The following AGBL1 variants were observed in gnomAD, a reference collection of about 807,000 sequenced individuals.
AGBL1 encodes AGBL carboxypeptidase 1, also known as cytosolic carboxypeptidase 4.
In AGBL1, 130 loss-of-function variants were observed where a neutral mutation model predicts 118.9. The ratio of observed to expected loss-of-function variants is 1.09; its 90% CI spans 0.95 to 1.26. AGBL1 has a LOEUF of 1.26. AGBL1 is among the 50% of genes most tolerant of loss of function. The probability of loss-of-function intolerance (pLI) is 0.00; values close to 1 mark genes in which losing one functional copy is unlikely to be tolerated. For missense variants in AGBL1, 1,584 were observed against 1,298.1 expected, an observed-to-expected ratio of 1.22 and a Z score of -3.38; for synonymous variants, 555 against 478.9, an observed-to-expected ratio of 1.16 and a Z score of -2.08.
intron 23 of AGBL1, among the ~76,000 whole-genome samples, chr15:86,976,035 TTTAAAATTA>T (rs1312343278): frequency 2.0e-5 from 3 of 152,122 alleles, no homozygotes; most frequent in Non-Finnish European, 4.4e-5. Flanking sequence ...AATCATATAC[TTTAAAATTA>T]TTATGTTGGT....
intron 17 of AGBL1, among the ~76,000 whole-genome samples, chr15:86,320,478 C>A (rs1438996344): frequency 2.0e-5 from 3 of 151,802 alleles, no homozygotes; most frequent in Non-Finnish European, 4.4e-5. Context: ...AAATGATATA[C>A]TTTTAAAATT....
chr15:86,522,228 T>A (rs112043748), intron 18 of AGBL1, among the ~76,000 whole-genome samples: 1,590 of 152,234 alleles, frequency 0.01, 30 homozygotes, highest in African/African-American at 0.036. Context: ...GCACTCTGAT[T>A]CTCTTGGTAA....
At chr15:86,473,844 G>A (rs888948918) in intron 18 of AGBL1, among the ~76,000 whole-genome samples, 1 of 152,052 alleles carries the variant, frequency 6.6e-6, no homozygotes, top group Non-Finnish European at 1.5e-5. Context: ...TGGAGTGGCT[G>A]GATTGAGCCT....
chr15:86,640,947 T>G (rs1488155579), intron 21 of AGBL1, among the ~76,000 whole-genome samples: 1 of 133,496 alleles, frequency 7.5e-6, no homozygotes, highest in African/African-American at 2.8e-5. Flanking sequence ...GTTTTGTTTT[T>G]ATTTTTTAAT....
intron 17 of AGBL1, among the ~76,000 whole-genome samples, chr15:86,329,062 G>T (rs188310712): frequency 6.6e-6 from 1 of 152,264 alleles, no homozygotes; most frequent in East Asian, 1.9e-4. Context: ...TTGCAGGCCT[G>T]GGGTGGAAGG....
chr15:86,810,366 A>G lies in AGBL1; in HGVS notation c.3159-96721A>G, dbSNP rs555639987. On this transcript the variant is annotated intron_variant, in intron 22 of 22. Transcript: ENST00000614907. ...CTGCAACACCCAGTCTATAGGGAGA[A>G]TGACCCTTTCACCTTCTAGGTCCAA... 4.5e-4 allele frequency among the ~76,000 whole-genome samples: 69 copies of G among 152,242 alleles called. 1 individual carries two copies. Among genetic ancestry groups the G allele is most frequent in the South Asian group, 4.1e-3 (20 of 4,832 alleles).
chr15:86,984,044 G>A (rs1161558019), intron 23 of AGBL1, among the ~76,000 whole-genome samples: 2 of 152,124 alleles, frequency 1.3e-5, no homozygotes, highest in South Asian at 2.1e-4. Context: ...TCTTGGATAA[G>A]TACCCAGGGG....
intron 21 of AGBL1, among the ~76,000 whole-genome samples, chr15:86,606,126 C>CAAAAAAA (rs10675845): frequency 3.1e-5 from 3 of 96,890 alleles, no homozygotes; most frequent in Non-Finnish European, 3.8e-5. Flanking sequence ...GACTCCATCT[C>CAAAAAAA]AAAAAAAAAA....
intron 1 of AGBL1, among the ~76,000 whole-genome samples, chr15:86,081,148 A>G (rs1234190361): frequency 1.3e-5 from 2 of 152,038 alleles, no homozygotes; most frequent in Non-Finnish European, 2.9e-5. Context: ...GGTTCAAGCA[A>G]TTCTCCTGCC....
intron 12 of AGBL1, 31 bp from the exon 13 acceptor site, chr15:86,266,959 A>C: frequency 6.8e-7 from 1 of 1,463,220 alleles, no homozygotes; most frequent in Non-Finnish European, 9.4e-7. Context: ...GTGATAACAC[A>C]TATGTTCACA....
At chr15:86,739,231 G>A (rs532095039) in intron 22 of AGBL1, among the ~76,000 whole-genome samples, 1 of 151,884 alleles carries the variant, frequency 6.6e-6, no homozygotes, top group Non-Finnish European at 1.5e-5. Flanking sequence ...ATCACCTGGG[G>A]TCAGGAGTTT....
intron 22 of AGBL1, among the ~76,000 whole-genome samples, chr15:86,891,905 A>G (rs2080057935): frequency 6.6e-6 from 1 of 152,178 alleles, no homozygotes; most frequent in African/African-American, 2.4e-5. Context: ...CTAATTAGGT[A>G]AATAGTTTGA....
At chr15:86,507,425 C>A (rs538167130) in intron 18 of AGBL1, among the ~76,000 whole-genome samples, 2 of 151,988 alleles carry the variant, frequency 1.3e-5, no homozygotes, top group Non-Finnish European at 2.9e-5. Context: ...CTATGTGTCA[C>A]GAATTGTTTT....
chr15:87,022,202 T>C (rs2081671997), intron 24 of AGBL1, among the ~76,000 whole-genome samples: 1 of 152,150 alleles, frequency 6.6e-6, no homozygotes, highest in African/African-American at 2.4e-5. Context: ...TGACAGAGTC[T>C]ACCCAAATGA....
intron 6 of AGBL1, among the ~76,000 whole-genome samples, chr15:86,237,420 C>G (rs926749805): frequency 2.0e-5 from 3 of 152,162 alleles, no homozygotes; most frequent in African/African-American, 7.2e-5. Context: ...GGCAGCATCA[C>G]TGGTGGACAG....
intron 18 of AGBL1, among the ~76,000 whole-genome samples, chr15:86,418,028 A>T (rs1324019678): frequency 6.6e-6 from 1 of 152,184 alleles, no homozygotes; most frequent in Admixed American, 6.5e-5. Flanking sequence ...CAAGTCTTGA[A>T]TCACACTTAT....
chr15:86,503,405 T>C (rs900540448), intron 18 of AGBL1, among the ~76,000 whole-genome samples: 1 of 151,330 alleles, frequency 6.6e-6, no homozygotes, highest in South Asian at 2.1e-4. Context: ...GACTTTTCTA[T>C]TGTTTTTCTA....
intron 22 of AGBL1, among the ~76,000 whole-genome samples, chr15:86,801,310 C>CATCTATATCTATCTATCTATCT (rs1555451585): frequency 2.7e-5 from 4 of 147,194 alleles, no homozygotes; most frequent in Non-Finnish European, 6.0e-5. Context: ...TTGATGATTA[C>CATCTATATCTATCTATCTATCT]ATCTATCTAT....
intron 18 of AGBL1, among the ~76,000 whole-genome samples, chr15:86,425,904 T>C (rs190646896): frequency 6.6e-6 from 1 of 152,236 alleles, no homozygotes; most frequent in East Asian, 1.9e-4. Context: ...GGAGAGATCT[T>C]TGTCCGTCTA....
Sources: allele counts gnomAD v4.1 joint callset (sites outside exome capture counted in the v4.1 genomes callset), GRCh38; gene constraint gnomAD v4.1.1; transcripts MANE v1.5; gene names NCBI Gene and HGNC (gene_info 2026-07-23, HGNC 2026-07-21).